SPATA12: variants seen among roughly 807,000 people sequenced by gnomAD.
SPATA12 encodes spermatogenesis associated 12.
For missense variants in SPATA12, 219 were observed against 226.4 expected, an observed-to-expected ratio of 0.97 and a Z score of 0.21; for synonymous variants, 85 against 89.2, an observed-to-expected ratio of 0.95 and a Z score of 0.26.
Position 57,074,352 on chromosome 3 carries a change from A to C in SPATA12, c.*85A>C, listed in dbSNP as rs1358788964. On this transcript the variant is annotated 3_prime_UTR_variant, in exon 2 of 2. Coordinates refer to ENST00000334325, the MANE Select transcript of SPATA12 (RefSeq NM_181727.2). ...TGCTATGCCCTCCCTTCCATCCCCC[A>C]CCCCCACCAGGGGTGACTCGTAGCC... The C allele has an allele frequency of 2.0e-5, 25 of 1,242,592 alleles. No individual in the cohort carries two copies. The highest frequency in any genetic ancestry group is 4.2e-4 in the Middle Eastern group (2 of 4,814). The allele number at this position is 1,242,592 out of a possible 1,614,324, so 77.0% of individuals were successfully genotyped here. A position where few individuals can be genotyped will look rare whatever the true frequency, so the allele number is the denominator to read the frequency against.
At chr3:57,066,547 G>A (rs1705549898) in intron 1 of SPATA12, among the ~76,000 whole-genome samples, 1 of 152,264 alleles carries the variant, frequency 6.6e-6, no homozygotes, top group African/African-American at 2.4e-5. Context: ...ATTGGCGTGA[G>A]CCACCGCGCC....
At chr3:57,069,376 A>AACACACACAC (rs147675971) in intron 1 of SPATA12, among the ~76,000 whole-genome samples, 346 of 146,462 alleles carry the variant, frequency 2.4e-3, no homozygotes, top group African/African-American at 5.2e-3. Flanking sequence ...CTGTCTCTCA[A>AACACACACAC]ACACACACAC....
At chr3:57,063,480 A>G (rs538086700) in intron 1 of SPATA12, among the ~76,000 whole-genome samples, 53 of 152,236 alleles carry the variant, frequency 3.5e-4, no homozygotes, top group African/African-American at 1.3e-3. Flanking sequence ...GGAGGGTGGT[A>G]GGAGCGGGAG....
At chr3:57,061,105 C>G (rs1705198983) in intron 1 of SPATA12, among the ~76,000 whole-genome samples, 1 of 152,128 alleles carries the variant, frequency 6.6e-6, no homozygotes, top group African/African-American at 2.4e-5. Context: ...TAAACAGAAA[C>G]TGTGTACCCA....
chr3:57,067,300 A>G (rs1705595803), intron 1 of SPATA12, among the ~76,000 whole-genome samples: 1 of 151,392 alleles, frequency 6.6e-6, no homozygotes. Flanking sequence ...AAATACAAAA[A>G]CAAAATTAGC....
intron 1 of SPATA12, among the ~76,000 whole-genome samples, chr3:57,067,474 A>G (rs1202895300): frequency 6.8e-6 from 1 of 148,090 alleles, no homozygotes; most frequent in Admixed American, 6.8e-5. Flanking sequence ...AATAATAATA[A>G]TAATAATAAT....
chr3:57,065,185 T>C (rs914736599), intron 1 of SPATA12, among the ~76,000 whole-genome samples: 1 of 152,178 alleles, frequency 6.6e-6, no homozygotes, highest in African/African-American at 2.4e-5. Flanking sequence ...CCGGGCGCAG[T>C]GGCTCACGCC....
In SPATA12 at chr3:57,074,314, G is replaced by A; in HGVS notation, c.*47G>A. Reference sequence around the variant, plus strand: ...CTGAGAGTCTGGCAGCTGTTTGTCTGGGCCTTTGCACATGCTATGCCCTCC... The same window carrying A: ...CTGAGAGTCTGGCAGCTGTTTGTCTAGGCCTTTGCACATGCTATGCCCTCC... On this transcript the variant is annotated 3_prime_UTR_variant, in exon 2 of 2. Coordinates refer to ENST00000334325, the MANE Select transcript of SPATA12 (RefSeq NM_181727.2). The A allele has an allele frequency of 1.3e-6, 2 of 1,551,948 alleles. No individual in the cohort carries two copies. Among genetic ancestry groups the A allele is most frequent in the South Asian group, 1.2e-5 (1 of 84,126 alleles).
At position 57,073,452 on chromosome 3, in the gene SPATA12, A is replaced by G; in HGVS notation, c.-243A>G. On this transcript the variant is annotated 5_prime_UTR_variant, in exon 2 of 2. Transcript: ENST00000334325. ...GTGGACAAGCGTGAAAGAGCTTCCA[A>G]GTAGTGGAAACAGCAGAAGCAAAGA... 1.0e-5 allele frequency: 5 copies of G among 499,522 alleles called. No homozygotes were observed. The highest frequency in any genetic ancestry group is 1.7e-5 in the Non-Finnish European group (5 of 299,068). 30.9% of individuals were successfully genotyped at this position (499,522 alleles called of 1,614,324 possible).
At chr3:57,071,885 G>A (rs1305035880) in intron 1 of SPATA12, among the ~76,000 whole-genome samples, 2 of 152,040 alleles carry the variant, frequency 1.3e-5, no homozygotes, top group African/African-American at 4.8e-5. Flanking sequence ...ATAAGGAACT[G>A]AACTCAGAAT....
chr3:57,063,596 G>A (rs1705358801), intron 1 of SPATA12, among the ~76,000 whole-genome samples: 1 of 152,168 alleles, frequency 6.6e-6, no homozygotes, highest in African/African-American at 2.4e-5. Context: ...CAACCAGGAG[G>A]TTGGGGTGCT....
Position 57,074,550 on chromosome 3 carries a change from G to A in SPATA12, c.*283G>A, listed in dbSNP as rs1365455432. 2.5e-6 allele frequency: 1 copy of A among 404,640 alleles called. No homozygotes were observed. The highest frequency in any genetic ancestry group is 4.6e-6 in the Non-Finnish European group (1 of 216,146). The allele number at this position is 404,640 out of a possible 1,614,324, so 25.1% of individuals were successfully genotyped here. A position where few individuals can be genotyped will look rare whatever the true frequency, so the allele number is the denominator to read the frequency against. ...CCGGGGAACCTTCACTGTATTAAAT[G>A]ACATCAATTGATCAATCAATCGATC... On this transcript the variant is annotated 3_prime_UTR_variant, in exon 2 of 2. Coordinates refer to ENST00000334325, the MANE Select transcript of SPATA12 (RefSeq NM_181727.2).
chr3:57,063,883 G>T (rs1193057130), intron 1 of SPATA12, among the ~76,000 whole-genome samples: 3 of 152,184 alleles, frequency 2.0e-5, no homozygotes, highest in Non-Finnish European at 2.9e-5. Context: ...ATAGACAAAA[G>T]GTGGAAGCAA....
At chr3:57,068,358 T>TTC (rs975525908) in intron 1 of SPATA12, among the ~76,000 whole-genome samples, 3 of 152,224 alleles carry the variant, frequency 2.0e-5, no homozygotes, top group African/African-American at 7.2e-5. Flanking sequence ...GCATTTATTA[T>TTC]CACAATAAAA....
At chr3:57,064,505 T>C (rs909319848) in intron 1 of SPATA12, among the ~76,000 whole-genome samples, 2 of 151,990 alleles carry the variant, frequency 1.3e-5, no homozygotes, top group African/African-American at 4.8e-5. Context: ...GTATTTTTTG[T>C]AGACAGGGTA....
intron 1 of SPATA12, among the ~76,000 whole-genome samples, chr3:57,065,793 C>T (rs1046883556): frequency 6.6e-6 from 1 of 152,136 alleles, no homozygotes; most frequent in Admixed American, 6.5e-5. Flanking sequence ...CTCATTACGG[C>T]TGAGTCACAA....
In SPATA12 at chr3:57,071,715, C is replaced by A. The variant is rs115033987; in HGVS notation, c.-329-1651C>A. ...TAAGTTTTCATGACCTTGCATCAGG[C>A]AAAGGTTTCTTACGTATGACACCAA... is the stretch of plus-strand genomic sequence containing the variant. On this transcript the variant is annotated intron_variant, in intron 1 of 1. Transcript: ENST00000334325. 5.9e-4 allele frequency among the ~76,000 whole-genome samples: 89 copies of A among 150,322 alleles called. 1 individual carries two copies. Among genetic ancestry groups the A allele is most frequent in the African/African-American group, 2.1e-3 (88 of 40,946 alleles).
intron 1 of SPATA12, among the ~76,000 whole-genome samples, chr3:57,061,225 C>T (rs1425101501): frequency 1.3e-5 from 2 of 152,172 alleles, no homozygotes; most frequent in African/African-American, 4.8e-5. Context: ...CCTTTTGTGA[C>T]TGACTTTTCT....
intron 1 of SPATA12, among the ~76,000 whole-genome samples, chr3:57,071,419 T>C (rs1005046380): frequency 6.6e-6 from 1 of 152,130 alleles, no homozygotes; most frequent in African/African-American, 2.4e-5. Flanking sequence ...CCCAGCACTT[T>C]GGGAGGCTAA....
Sources: gnomAD v4.1 joint callset for allele counts (sites outside exome capture counted in the v4.1 genomes callset) on GRCh38, gnomAD v4.1.1 for gene constraint, MANE v1.5 for transcripts, NCBI Gene and HGNC (gene_info 2026-07-23, HGNC 2026-07-21) for gene names.